The following TMEM117 variants were observed in gnomAD, a reference collection of about 807,000 sequenced individuals.
The protein encoded by TMEM117 is transmembrane protein 117.
In TMEM117, 27 loss-of-function variants were observed where a neutral mutation model predicts 52.4. That is an observed-to-expected ratio of 0.51 (90% confidence interval 0.38 to 0.71). The LOEUF (loss-of-function observed/expected upper bound fraction) is 0.71, where lower values mean the gene tolerates loss of function less well. Ranked by LOEUF, TMEM117 falls within the 30% of genes least tolerant of loss-of-function variation. TMEM117 has a pLI of 0.00. For missense variants in TMEM117, 556 were observed against 630.5 expected (o/e 0.88, Z 1.26); for synonymous variants, 215 against 206.3 (o/e 1.04, Z -0.36).
At chr12:44,092,278 C>T (rs1947686552) in intron 3 of TMEM117, among the ~76,000 whole-genome samples, 1 of 152,200 alleles carries the variant, frequency 6.6e-6, no homozygotes, top group African/African-American at 2.4e-5. Context: ...TCACATGTTG[C>T]TAAAATCATA....
rs530863996 is a variant in TMEM117, at chr12:44,090,840, T to G, written c.411-52685T>G. 1.2e-4 allele frequency among the ~76,000 whole-genome samples: 14 copies of G among 121,236 alleles called. No individual in the cohort carries two copies. In the East Asian group the frequency reaches 1.2e-3, roughly 11 times the overall value. 79.5% of individuals were successfully genotyped at this position (121,236 alleles called of 152,430 possible). ...TAATTCTTAATCCTGTATTTATGTG[T>G]TTTTTTTTGTTTTTTTTTTTTTTTT... On this transcript the variant is annotated intron_variant, in intron 3 of 7. Transcript: ENST00000266534.
At chr12:43,798,278 A>G in the TMEM117 span, among the ~76,000 whole-genome samples, 1 of 152,190 alleles carries the variant, frequency 6.6e-6, no homozygotes, top group African/African-American at 2.4e-5. Flanking sequence ...GTGTACAAAG[A>G]CAACACAGCT....
chr12:44,384,932 A>C (rs1338700591), intron 7 of TMEM117, among the ~76,000 whole-genome samples: 4 of 152,170 alleles, frequency 2.6e-5, no homozygotes, highest in Non-Finnish European at 5.9e-5. Flanking sequence ...AGGTAGTTAC[A>C]CTGGTATTAT....
chr12:44,080,973 A>G (rs1279752642), intron 3 of TMEM117, among the ~76,000 whole-genome samples: 1 of 151,186 alleles, frequency 6.6e-6, no homozygotes, highest in Non-Finnish European at 1.5e-5. Context: ...TCTGATTTTG[A>G]TACAAGATTG....
chr12:43,991,096 G>T (rs1291941687), intron 3 of TMEM117, among the ~76,000 whole-genome samples: 1 of 152,178 alleles, frequency 6.6e-6, no homozygotes, highest in Non-Finnish European at 1.5e-5. Context: ...GAGGGCCTCA[G>T]AAATAGTAGC....
intron 4 of TMEM117, among the ~76,000 whole-genome samples, chr12:44,173,028 A>C (rs1293166474): frequency 6.6e-6 from 1 of 152,018 alleles, no homozygotes; most frequent in South Asian, 2.1e-4. Flanking sequence ...CCCGGCCGCA[A>C]AATCTTTCTT....
intron 2 of TMEM117, among the ~76,000 whole-genome samples, chr12:43,851,178 T>C (rs1207407904): frequency 6.6e-6 from 1 of 152,190 alleles, no homozygotes. Flanking sequence ...ATTGCCAATT[T>C]AAGGGATGTG....
intron 2 of TMEM117, among the ~76,000 whole-genome samples, chr12:43,848,275 C>T (rs925929728): frequency 1.3e-5 from 2 of 152,100 alleles, no homozygotes; most frequent in African/African-American, 4.8e-5. Flanking sequence ...ACCGGTCTGA[C>T]CACAAATTTA....
chr12:44,211,385 C>G lies in TMEM117; in HGVS notation c.606C>G (p.Phe202Leu), dbSNP rs760226646. Residue 202 changes from phenylalanine (F) to leucine (L), a missense_variant and splice_region_variant, in exon 5 of 8, where the codon TTC becomes TTG. Physicochemically the swap from Phe to Leu is conservative, Grantham distance 22. Transcript: ENST00000266534. ...WKKGNVRITL[F>L]WTVLFTLTSV... The stretch of plus-strand genomic sequence containing the variant: ...AAGGAAATGTTAGGATCACTTTATT[C>G]TGGTAGGAAATTGTTTCACTTATTT... The G allele has an allele frequency of 1.4e-5, 23 of 1,599,926 alleles. No individual in the cohort carries two copies. The highest frequency in any genetic ancestry group is 1.9e-5 in the Non-Finnish European group (22 of 1,171,506).
chr12:43,991,667 T>C (rs1319197130), intron 3 of TMEM117, among the ~76,000 whole-genome samples: 2 of 152,162 alleles, frequency 1.3e-5, no homozygotes, highest in Non-Finnish European at 2.9e-5. Context: ...ACATAATATA[T>C]GCTCAGTAAA....
chr12:44,339,313 C>T (rs2138746462), intron 6 of TMEM117, among the ~76,000 whole-genome samples: 1 of 152,130 alleles, frequency 6.6e-6, no homozygotes, highest in South Asian at 2.1e-4. Flanking sequence ...CATTTTCCAG[C>T]TTCTAGCAGA....
At chr12:44,010,577 G>A (rs1207611424) in intron 3 of TMEM117, among the ~76,000 whole-genome samples, 5 of 152,010 alleles carry the variant, frequency 3.3e-5, no homozygotes, top group Admixed American at 1.3e-4. Flanking sequence ...CTGTTTTTGT[G>A]TTCCACACTT....
At chr12:44,252,528 A>G (rs1470029582) in intron 5 of TMEM117, among the ~76,000 whole-genome samples, 1 of 152,080 alleles carries the variant, frequency 6.6e-6, no homozygotes, top group Non-Finnish European at 1.5e-5. Flanking sequence ...AAACAAACAA[A>G]AAACAAAAAG....
chr12:44,025,161 G>A (rs1946513662), intron 3 of TMEM117, among the ~76,000 whole-genome samples: 1 of 152,102 alleles, frequency 6.6e-6, no homozygotes, highest in Admixed American at 6.6e-5. Context: ...AGTCAATGAA[G>A]CAATGCCTGT....
At chr12:43,894,638 T>C (rs529002375) in intron 2 of TMEM117, among the ~76,000 whole-genome samples, 99 of 152,154 alleles carry the variant, frequency 6.5e-4, no homozygotes, top group African/African-American at 2.3e-3. Context: ...CCACCTAGAA[T>C]TCGTGGTATT....
At chr12:44,341,673 GAC>G (rs997512418) in intron 6 of TMEM117, among the ~76,000 whole-genome samples, 8 of 152,088 alleles carry the variant, frequency 5.3e-5, no homozygotes, top group Admixed American at 5.2e-4. Context: ...TGTTAGGAGA[GAC>G]AACCATGGCA....
At position 43,974,942 on chromosome 12, in the gene TMEM117, C is replaced by A. The variant is rs191537631; in HGVS notation, c.410+30600C>A. Among the ~76,000 whole-genome samples, 3 of 152,202 alleles carry A rather than the reference C, an allele frequency of 2.0e-5. No individual in the cohort carries two copies. In the East Asian group the frequency reaches 5.8e-4, roughly 29 times the overall value. ...GGAGCTGTCTGAAGCCCAGGAAGGTCAGGAAGGTGTTAAGAACCAGGACAA... is the reference window on the plus strand; with the variant it reads ...GGAGCTGTCTGAAGCCCAGGAAGGTAAGGAAGGTGTTAAGAACCAGGACAA... On this transcript the variant is annotated intron_variant, in intron 3 of 7. Coordinates refer to ENST00000266534, the MANE Select transcript of TMEM117 (RefSeq NM_032256.3).
intron 5 of TMEM117, among the ~76,000 whole-genome samples, chr12:44,276,766 C>T (rs1182066539): frequency 6.6e-6 from 1 of 151,920 alleles, no homozygotes; most frequent in Non-Finnish European, 1.5e-5. Context: ...ATAATTTTTA[C>T]TTATCAATCT....
chr12:43,886,596 TG>T (rs1943998704), intron 2 of TMEM117, among the ~76,000 whole-genome samples: 1 of 152,104 alleles, frequency 6.6e-6, no homozygotes, highest in African/African-American at 2.4e-5. Context: ...GTTTGAGAAA[TG>T]TTTTTTTTCT....
Sources: gnomAD v4.1 joint callset for allele counts (sites outside exome capture counted in the v4.1 genomes callset) on GRCh38, gnomAD v4.1.1 for gene constraint, MANE v1.5 for transcripts, NCBI Gene and HGNC (gene_info 2026-07-23, HGNC 2026-07-21) for gene names.